RSPO2: variants seen among roughly 807,000 people sequenced by gnomAD.
RSPO2 encodes the protein R-spondin 2, also known as R-spondin-2.
A neutral mutation model predicts 30.9 loss-of-function variants in RSPO2; 14 were observed. That is an observed-to-expected ratio of 0.45 (90% confidence interval 0.30 to 0.71). The LOEUF (loss-of-function observed/expected upper bound fraction) is 0.71, where lower values mean the gene tolerates loss of function less well. Among genes scored for constraint, RSPO2 ranks in the 30% least tolerant of loss-of-function variants. RSPO2 has a pLI of 0.08. For synonymous variants in RSPO2, 107 were observed against 96.4 expected (o/e 1.11, Z -0.64); for missense variants, 264 against 301.9 (o/e 0.87, Z 0.93).
chr8:107,907,175 A>T (rs1408635340), intron 5 of RSPO2, among the ~76,000 whole-genome samples: 1 of 152,000 alleles, frequency 6.6e-6, no homozygotes, highest in East Asian at 1.9e-4. Context: ...CTGGCTGTGG[A>T]GTCAGAAGTG....
At chr8:108,048,687 T>C (rs1811980844) in intron 2 of RSPO2, among the ~76,000 whole-genome samples, 1 of 152,154 alleles carries the variant, frequency 6.6e-6, no homozygotes, top group African/African-American at 2.4e-5. Context: ...GCTCTGATCT[T>C]AGTTATTTCT....
intron 2 of RSPO2, among the ~76,000 whole-genome samples, chr8:108,077,212 A>T (rs547598176): frequency 6.6e-6 from 1 of 152,158 alleles, no homozygotes; most frequent in Non-Finnish European, 1.5e-5. Context: ...AAAAGGGTGA[A>T]GGTAGAAGCC....
intron 5 of RSPO2, among the ~76,000 whole-genome samples, chr8:107,917,132 T>C (rs1476551444): frequency 1.3e-5 from 2 of 152,160 alleles, no homozygotes; most frequent in Non-Finnish European, 2.9e-5. Flanking sequence ...CATGCTATCT[T>C]CATTGGGTCT....
intron 5 of RSPO2, among the ~76,000 whole-genome samples, chr8:107,907,341 C>T (rs1811680834): frequency 6.6e-6 from 1 of 151,914 alleles, no homozygotes; most frequent in Admixed American, 6.6e-5. Flanking sequence ...TTACAGATAG[C>T]TGTGTTTTGA....
chr8:108,077,544 A>G (rs915253055), intron 2 of RSPO2, among the ~76,000 whole-genome samples: 6 of 152,090 alleles, frequency 3.9e-5, no homozygotes, highest in African/African-American at 1.4e-4. Context: ...AAAGATGAAA[A>G]GGACTAGAAA....
intron 2 of RSPO2, among the ~76,000 whole-genome samples, chr8:108,021,699 T>G (rs985196884): frequency 6.6e-6 from 1 of 151,372 alleles, no homozygotes; most frequent in Non-Finnish European, 1.5e-5. Flanking sequence ...AAAAATGATG[T>G]CATAAGTGGG....
At chr8:107,950,490 G>T (rs1172577140) in intron 5 of RSPO2, among the ~76,000 whole-genome samples, 6 of 80,340 alleles carry the variant, frequency 7.5e-5, no homozygotes, top group Admixed American at 1.6e-4. Context: ...ACATTTTGGG[G>T]TGTTTTTTTT....
rs1037147549 is a variant in RSPO2 at position 107,989,243 on chromosome 8, A to G, written c.96T>C (p.Ala32=). Residue 32 remains alanine, a splice_region_variant and synonymous_variant, in exon 3 of 6, where the codon GCT becomes GCC. Coordinates refer to ENST00000276659, the MANE Select transcript of RSPO2 (RefSeq NM_178565.5). Reference sequence around the variant, plus strand: ...TGCAAATGGGATTTGATACATAACTAGCTGTAAAAGAAAAACAAAAATTGT... The same window carrying G: ...TGCAAATGGGATTTGATACATAACTGGCTGTAAAAGAAAAACAAAAATTGT... ...QGNRWRRSKR[A]SYVSNPICKG... is the part of the protein sequence containing the mutation. The G allele has an allele frequency of 3.2e-6, 5 of 1,546,164 alleles. No homozygotes were observed. Among genetic ancestry groups the G allele is most frequent in the Non-Finnish European group, 4.3e-6 (5 of 1,152,592 alleles).
chr8:107,979,006 G>A (rs1218059772), intron 3 of RSPO2, among the ~76,000 whole-genome samples: 1 of 152,144 alleles, frequency 6.6e-6, no homozygotes, highest in Non-Finnish European at 1.5e-5. Context: ...AGTTAGAATG[G>A]CAATCATTAA....
Position 108,082,402 on chromosome 8 carries a change from A to T in RSPO2, c.94+143T>A, listed in dbSNP as rs1254755865. 4 of 632,214 alleles carry T rather than the reference A, an allele frequency of 6.3e-6. No individual in the cohort carries two copies. The South Asian group carries it at 7.7e-5, about 12-fold the overall frequency. 39.2% of individuals were successfully genotyped at this position (632,214 alleles called of 1,614,324 possible). ...GTGTTTTGTAGAGCTCCAGGGTCCT[A>T]AAGGTGGGGACTGGGGACCCGCAAA... On this transcript the variant is annotated intron_variant, in intron 2 of 5. Coordinates refer to ENST00000276659, the MANE Select transcript of RSPO2 (RefSeq NM_178565.5).
intron 3 of RSPO2, among the ~76,000 whole-genome samples, chr8:107,964,808 T>C (rs985325129): frequency 6.6e-6 from 1 of 152,220 alleles, no homozygotes; most frequent in Admixed American, 6.5e-5. Flanking sequence ...CTGGGATTCA[T>C]ATCAACTCTA....
chr8:108,007,211 A>T (rs781015599), intron 2 of RSPO2, among the ~76,000 whole-genome samples: 22 of 152,124 alleles, frequency 1.4e-4, no homozygotes, highest in Non-Finnish European at 2.6e-4. Context: ...CTCTGTTGAC[A>T]CTGAGATTTT....
chr8:108,039,272 C>T (rs191860697), intron 2 of RSPO2, among the ~76,000 whole-genome samples: 64 of 152,244 alleles, frequency 4.2e-4, no homozygotes, highest in Middle Eastern at 3.4e-3. Flanking sequence ...CTTTTACTTG[C>T]AGCAATTCCT....
chr8:107,951,188 T>C (rs888667750), intron 5 of RSPO2, among the ~76,000 whole-genome samples: 1 of 151,998 alleles, frequency 6.6e-6, no homozygotes. Flanking sequence ...CCCAAGTAGC[T>C]GGGATCACAG....
At chr8:107,960,621 A>G in intron 4 of RSPO2, 53 bp downstream of exon 4, 1 of 1,543,608 alleles carries the variant, frequency 6.5e-7, no homozygotes, top group Non-Finnish European at 8.9e-7. Flanking sequence ...TTTTTAAGAA[A>G]CAAGTGCTAA....
chr8:108,076,299 T>C (rs1229230312), intron 2 of RSPO2, among the ~76,000 whole-genome samples: 1 of 152,204 alleles, frequency 6.6e-6, no homozygotes, highest in Non-Finnish European at 1.5e-5. Context: ...CTGGTGTTTA[T>C]TCGGCAGTCA....
intron 3 of RSPO2, among the ~76,000 whole-genome samples, chr8:107,965,117 G>T (rs1334109635): frequency 6.6e-6 from 1 of 152,068 alleles, no homozygotes; most frequent in Non-Finnish European, 1.5e-5. Context: ...CTAAACATAG[G>T]ACTTTTCTAT....
At chr8:108,037,694 C>T (rs1474421411) in intron 2 of RSPO2, among the ~76,000 whole-genome samples, 1 of 152,170 alleles carries the variant, frequency 6.6e-6, no homozygotes, top group African/African-American at 2.4e-5. Context: ...GGGGCTAATG[C>T]AGCCAGTGAT....
chr8:107,996,049 G>GT (rs1406708131), intron 2 of RSPO2, among the ~76,000 whole-genome samples: 1 of 152,076 alleles, frequency 6.6e-6, no homozygotes, highest in African/African-American at 2.4e-5. Flanking sequence ...TGAGTAGGGT[G>GT]TAAGTGAGTG....
Sources: gnomAD v4.1 joint callset for allele counts (sites outside exome capture counted in the v4.1 genomes callset) on GRCh38, gnomAD v4.1.1 for gene constraint, MANE v1.5 for transcripts, NCBI Gene and HGNC (gene_info 2026-07-23, HGNC 2026-07-21) for gene names.